The following CAMK1D variants were observed in gnomAD, a reference collection of about 807,000 sequenced individuals.
The protein encoded by CAMK1D is calcium/calmodulin dependent protein kinase ID, also known as calcium/calmodulin-dependent protein kinase type 1D.
In CAMK1D, 9 loss-of-function variants were observed where a neutral mutation model predicts 47.7. The observed-to-expected ratio is 0.19, with a 90% CI of 0.11 to 0.33. The LOEUF (loss-of-function observed/expected upper bound fraction) is 0.33. CAMK1D is among the 10% of genes least tolerant of loss of function. The pLI is 1.00. For missense variants in CAMK1D, 291 were observed against 488.7 expected (o/e 0.60, Z 3.81); for synonymous variants, 184 against 184.9 (o/e 0.99, Z 0.04).
intron 5 of CAMK1D, among the ~76,000 whole-genome samples, chr10:12,789,836 T>G (rs527900873): frequency 2.4e-4 from 37 of 152,230 alleles, no homozygotes; most frequent in Non-Finnish European, 3.8e-4. Flanking sequence ...TTTGTCTCTA[T>G]CCTTAAAAAT....
Position 12,667,038 on chromosome 10 carries a change from C to A in CAMK1D, c.299+228C>A, listed in dbSNP as rs77265178. Reference sequence around the variant, plus strand: ...CTGCACTGCTGGGCTGGACTGATAACCTAGAGCTCAGCAGTGAATGTGACC... The same window carrying A: ...CTGCACTGCTGGGCTGGACTGATAAACTAGAGCTCAGCAGTGAATGTGACC... On this transcript the variant is annotated intron_variant, in intron 3 of 10. Coordinates refer to ENST00000619168, the MANE Select transcript of CAMK1D (RefSeq NM_153498.4). 1,098 of 470,066 alleles carry A rather than the reference C, an allele frequency of 2.3e-3. 10 individuals carry two copies. Among genetic ancestry groups the A allele is most frequent in the African/African-American group, 0.019 (982 of 50,552 alleles). 29.1% of individuals were successfully genotyped at this position (470,066 alleles called of 1,614,324 possible). A position where few individuals can be genotyped will look rare whatever the true frequency, so the allele number is the denominator to read the frequency against.
At chr10:12,756,469 T>C (rs1289559616) in intron 3 of CAMK1D, among the ~76,000 whole-genome samples, 2 of 152,230 alleles carry the variant, frequency 1.3e-5, no homozygotes, top group African/African-American at 2.4e-5. Context: ...GTTATGTTTT[T>C]TGACAATTAC....
At chr10:12,350,543 G>A (rs975453659) in intron 1 of CAMK1D, among the ~76,000 whole-genome samples, 1 of 144,884 alleles carries the variant, frequency 6.9e-6, no homozygotes, top group African/African-American at 2.5e-5. Context: ...TCCAAGGGAG[G>A]GTCTGTGCGC....
rs987786480 is a variant in CAMK1D, at chr10:12,459,750, C to T, written c.93-93475C>T. On this transcript the variant is annotated intron_variant, in intron 1 of 10. Coordinates refer to ENST00000619168, the MANE Select transcript of CAMK1D (RefSeq NM_153498.4). ...AATGTGGTTATTTTTAAAATTTTTA[C>T]GATGAAATGATTAGTTTGCAAGAGA... is the stretch of plus-strand genomic sequence containing the variant. Among the ~76,000 whole-genome samples, 8 of 152,094 alleles carry T rather than the reference C, an allele frequency of 5.3e-5. No individual in the cohort carries two copies. In the East Asian group the frequency reaches 5.8e-4, roughly 11 times the overall value.
At position 12,834,294 on chromosome 10, in the gene CAMK1D, A is replaced by C. The variant is rs1476213155; in HGVS notation, c.*5407A>C. The C allele has an allele frequency of 6.6e-6, 1 of 152,362 alleles. No individual in the cohort carries two copies. Among genetic ancestry groups the C allele is most frequent in the Admixed American group, 6.5e-5 (1 of 15,282 alleles). 9.4% of individuals were successfully genotyped at this position (152,362 alleles called of 1,614,324 possible). A position where few individuals can be genotyped will look rare whatever the true frequency, so the allele number is the denominator to read the frequency against. On this transcript the variant is annotated 3_prime_UTR_variant, in exon 11 of 11. Coordinates refer to ENST00000619168, the MANE Select transcript of CAMK1D (RefSeq NM_153498.4). The stretch of plus-strand genomic sequence containing the variant: ...AGCCCCACTGTGAAGTCAGTCCTGC[A>C]TGCTGGCCGAGGCCCGGCCACCTCC...
chr10:12,379,878 G>A (rs903059094), intron 1 of CAMK1D, among the ~76,000 whole-genome samples: 1 of 152,144 alleles, frequency 6.6e-6, no homozygotes, highest in Non-Finnish European at 1.5e-5. Flanking sequence ...GTGCCAGAAA[G>A]TGGATGGATC....
chr10:12,537,152 A>G (rs1250947742), intron 1 of CAMK1D, among the ~76,000 whole-genome samples: 1 of 151,694 alleles, frequency 6.6e-6, no homozygotes, highest in African/African-American at 2.4e-5. Context: ...GCTCACTGCA[A>G]CCTCCACCTC....
At chr10:12,502,688 C>T (rs985215906) in intron 1 of CAMK1D, among the ~76,000 whole-genome samples, 4 of 152,210 alleles carry the variant, frequency 2.6e-5, no homozygotes, top group East Asian at 1.9e-4. Context: ...TGGCCACTCT[C>T]GTTCCAGGTA....
At chr10:12,476,305 A>G (rs1269774930) in intron 1 of CAMK1D, among the ~76,000 whole-genome samples, 1 of 151,920 alleles carries the variant, frequency 6.6e-6, no homozygotes, top group Non-Finnish European at 1.5e-5. Context: ...AAAAAAAAGA[A>G]GTCTAGAGTG....
intron 1 of CAMK1D, among the ~76,000 whole-genome samples, chr10:12,413,264 GA>G (rs1283995952): frequency 6.6e-6 from 1 of 152,156 alleles, no homozygotes; most frequent in East Asian, 1.9e-4. Context: ...AGCGAGGCGG[GA>G]AGGGGAGTGC....
intron 3 of CAMK1D, among the ~76,000 whole-genome samples, chr10:12,712,184 G>A (rs374262312): frequency 1.8e-4 from 28 of 152,282 alleles, no homozygotes; most frequent in African/African-American, 6.7e-4. Flanking sequence ...CCACCCTAAG[G>A]GAAGCTCCGC....
chr10:12,366,073 TCTC>T (rs1181360176), intron 1 of CAMK1D, among the ~76,000 whole-genome samples: 1 of 152,116 alleles, frequency 6.6e-6, no homozygotes, highest in Non-Finnish European at 1.5e-5. Flanking sequence ...CACGTTTCCT[TCTC>T]CTCAGTGTCA....
chr10:12,371,573 C>T (rs1264909546), intron 1 of CAMK1D, among the ~76,000 whole-genome samples: 4 of 134,842 alleles, frequency 3.0e-5, no homozygotes, highest in South Asian at 2.3e-4. Flanking sequence ...GAGACTGTCC[C>T]GAAAAAAAAA....
chr10:12,706,556 T>A lies in CAMK1D; in HGVS notation c.299+39746T>A, dbSNP rs182190414. Among the ~76,000 whole-genome samples the A allele has an allele frequency of 1.3e-4, 19 of 151,974 alleles. No homozygotes were observed. In the East Asian group the frequency reaches 3.7e-3, roughly 29 times the overall value. On this transcript the variant is annotated intron_variant, in intron 3 of 10. Coordinates refer to ENST00000619168, the MANE Select transcript of CAMK1D (RefSeq NM_153498.4). ...GTGAGACCTCATCTCTATAAAAAAT[T>A]TTTCAAACCCTTAGCTGAGCATGGT...
chr10:12,751,236 T>C (rs1835968395), intron 3 of CAMK1D, among the ~76,000 whole-genome samples: 1 of 152,102 alleles, frequency 6.6e-6, no homozygotes, highest in Non-Finnish European at 1.5e-5. Context: ...CACTATGCAG[T>C]TTTGTGCAAA....
At chr10:12,585,371 G>A (rs755927057) in intron 2 of CAMK1D, among the ~76,000 whole-genome samples, 10 of 152,156 alleles carry the variant, frequency 6.6e-5, no homozygotes, top group Middle Eastern at 3.2e-3. Flanking sequence ...CTCCGCCTGG[G>A]GTCTCCATTC....
At chr10:12,457,791 A>C (rs1326800604) in intron 1 of CAMK1D, among the ~76,000 whole-genome samples, 2 of 152,028 alleles carry the variant, frequency 1.3e-5, no homozygotes, top group African/African-American at 4.8e-5. Flanking sequence ...AAAAAAAAAA[A>C]AAAAAAAAAG....
At chr10:12,573,867 G>A (rs1158247570) in intron 2 of CAMK1D, among the ~76,000 whole-genome samples, 1 of 117,114 alleles carries the variant, frequency 8.5e-6, no homozygotes, top group Non-Finnish European at 1.6e-5. Flanking sequence ...GTGGAGATGG[G>A]GTCTCACTCT....
intron 5 of CAMK1D, among the ~76,000 whole-genome samples, chr10:12,786,807 A>G (rs1837743635): frequency 6.6e-6 from 1 of 152,242 alleles, no homozygotes; most frequent in Non-Finnish European, 1.5e-5. Context: ...ATTTAAGTGT[A>G]GTTAGTCTGT....
Sources: allele counts gnomAD v4.1 joint callset (sites outside exome capture counted in the v4.1 genomes callset), GRCh38; gene constraint gnomAD v4.1.1; transcripts MANE v1.5; gene names NCBI Gene and HGNC (gene_info 2026-07-23, HGNC 2026-07-21).